Variants in ARSB observed in about 807,000 individuals in gnomAD.
ARSB encodes N-acetylgalactosamine-4-sulfatase.
In ARSB, 41 loss-of-function variants were observed where a neutral mutation model predicts 50.9. That is an observed-to-expected ratio of 0.81 (90% CI 0.63 to 1.04). ARSB has a LOEUF of 1.04. Among genes scored for constraint, ARSB ranks in the 50% least tolerant of loss-of-function variants. ARSB has a pLI of 0.00. For synonymous variants in ARSB, 269 were observed against 284.8 expected (o/e 0.94, Z 0.56); for missense variants, 672 against 693.3 (o/e 0.97, Z 0.35).
At chr5:78,874,125 C>T (rs1019245070) in intron 5 of ARSB, among the ~76,000 whole-genome samples, 4 of 152,094 alleles carry the variant, frequency 2.6e-5, no homozygotes, top group African/African-American at 7.2e-5. Context: ...TTATTTTAAC[C>T]GGTTGAGCTG....
rs1746875566 is a variant in ARSB at position 78,867,853 on chromosome 5, CAAA to C, written c.1142+17728_1142+17730del. 4.8e-5 allele frequency among the ~76,000 whole-genome samples: 7 copies of C among 146,902 alleles called. No individual in the cohort carries two copies. The South Asian group carries it at 1.4e-3, about 29-fold the overall frequency. ...CTGAGAGAAGAAGGCTTCAGACGAT[CAAA>C]TTACTCTGAGCTACGGGAGGACATT... On this transcript the variant is annotated intron_variant, in intron 5 of 7. Coordinates refer to ENST00000264914, the MANE Select transcript of ARSB (RefSeq NM_000046.5).
intron 5 of ARSB, among the ~76,000 whole-genome samples, chr5:78,861,821 T>C (rs533628225): frequency 1.0e-3 from 156 of 152,298 alleles, no homozygotes; most frequent in African/African-American, 3.7e-3. Flanking sequence ...GGAAGTCAAA[T>C]TGTCCCTGTT....
intron 6 of ARSB, among the ~76,000 whole-genome samples, chr5:78,833,720 C>T (rs1288106994): frequency 6.6e-6 from 1 of 152,192 alleles, no homozygotes; most frequent in Non-Finnish European, 1.5e-5. Flanking sequence ...TCAGGCCGAG[C>T]CAGGCCAGAG....
At position 78,889,879 on chromosome 5, in the gene ARSB, G is replaced by A. The variant is rs548207051; in HGVS notation, c.899-4052C>T. On this transcript the variant is annotated intron_variant, in intron 4 of 7. Coordinates refer to ENST00000264914, the MANE Select transcript of ARSB (RefSeq NM_000046.5). ...CAACATCCCTGTGCATGCTTCAGCT[G>A]GGGCTTACCCTAGTCATCCTTCCCA... Among the ~76,000 whole-genome samples the A allele has an allele frequency of 9.2e-5, 14 of 152,230 alleles. No homozygotes were observed. In the South Asian group the frequency reaches 2.9e-3, roughly 32 times the overall value.
At chr5:78,811,862 T>A (rs1743817017) in intron 6 of ARSB, among the ~76,000 whole-genome samples, 1 of 152,134 alleles carries the variant, frequency 6.6e-6, no homozygotes, top group Non-Finnish European at 1.5e-5. Context: ...AAGCAGAAAC[T>A]TAATATTGAA....
In ARSB at chr5:78,861,528, T is replaced by C. The variant is rs143751271; in HGVS notation, c.1143-22102A>G. On this transcript the variant is annotated intron_variant, in intron 5 of 7. Coordinates refer to ENST00000264914, the MANE Select transcript of ARSB (RefSeq NM_000046.5). ...CACAAAAACTGTATGATTATCTCAA[T>C]AGATGCACAAAAGGCCTTCGACAAA... Among the ~76,000 whole-genome samples the C allele has an allele frequency of 3.6e-4, 55 of 152,312 alleles. No homozygotes were observed. The East Asian group carries it at 0.01, about 29-fold the overall frequency.
chr5:78,900,763 G>A (rs1748766161), intron 4 of ARSB, among the ~76,000 whole-genome samples: 1 of 152,114 alleles, frequency 6.6e-6, no homozygotes, highest in Admixed American at 6.5e-5. Context: ...GCAATGGGCG[G>A]GCGCAGTAGC....
chr5:78,965,582 A>G (rs1752170396), intron 2 of ARSB, among the ~76,000 whole-genome samples: 1 of 152,166 alleles, frequency 6.6e-6, no homozygotes, highest in South Asian at 2.1e-4. Context: ...ATTTATTAAA[A>G]ATCATTGAAT....
At chr5:78,802,847 A>G (rs1743442925) in intron 6 of ARSB, among the ~76,000 whole-genome samples, 1 of 152,212 alleles carries the variant, frequency 6.6e-6, no homozygotes, top group Non-Finnish European at 1.5e-5. Flanking sequence ...GTTTGCATTG[A>G]TACCTGAGAG....
intron 4 of ARSB, among the ~76,000 whole-genome samples, chr5:78,915,272 T>C (rs1369205781): frequency 6.6e-6 from 1 of 152,140 alleles, no homozygotes; most frequent in Non-Finnish European, 1.5e-5. Flanking sequence ...ATTGACACAA[T>C]TTCTAGGCCC....
intron 4 of ARSB, among the ~76,000 whole-genome samples, chr5:78,942,470 C>G (rs1750986644): frequency 6.6e-6 from 1 of 152,180 alleles, no homozygotes; most frequent in African/African-American, 2.4e-5. Context: ...CCCAGAGATT[C>G]TGGTATGTTG....
rs938717632 is a variant in ARSB at position 78,823,264 on chromosome 5, G to A, written c.1213+16092C>T. On this transcript the variant is annotated intron_variant, in intron 6 of 7. Transcript: ENST00000264914. ...CTGGGCAAGATGCTCTGTGTCCCTT[G>A]GAGACACAGTAACTGACCAATGGGT... 2.0e-5 allele frequency among the ~76,000 whole-genome samples: 3 copies of A among 152,182 alleles called. No homozygotes were observed. In the East Asian group the frequency reaches 5.8e-4, roughly 29 times the overall value.
chr5:78,830,019 G>T (rs1313911712), intron 6 of ARSB, among the ~76,000 whole-genome samples: 1 of 152,198 alleles, frequency 6.6e-6, no homozygotes, highest in Non-Finnish European at 1.5e-5. Flanking sequence ...AAGACGGAAG[G>T]GGCGGAGCCA....
intron 4 of ARSB, among the ~76,000 whole-genome samples, chr5:78,892,460 CG>C (rs1400528885): frequency 2.6e-5 from 4 of 151,892 alleles, no homozygotes; most frequent in Admixed American, 1.3e-4. Flanking sequence ...TTCGCCTTGT[CG>C]GCCAGGCTGG....
At chr5:78,821,340 G>C (rs115574118) in intron 6 of ARSB, among the ~76,000 whole-genome samples, 221 of 152,224 alleles carry the variant, frequency 1.5e-3, no homozygotes, top group African/African-American at 5.0e-3. Context: ...GTTTCACCAT[G>C]TCAGCCAGGT....
chr5:78,913,946 T>C (rs1048512578), intron 4 of ARSB, among the ~76,000 whole-genome samples: 1 of 151,498 alleles, frequency 6.6e-6, no homozygotes, highest in South Asian at 2.1e-4. Flanking sequence ...TTCCTCTTTA[T>C]ACCTTTCAAT....
intron 6 of ARSB, among the ~76,000 whole-genome samples, chr5:78,814,257 TAC>T (rs1195397114): frequency 6.6e-6 from 1 of 151,100 alleles, no homozygotes; most frequent in African/African-American, 2.4e-5. Context: ...TTGGAGTCTA[TAC>T]AGTTTTTCAA....
At chr5:78,919,612 C>T (rs778675230) in intron 4 of ARSB, among the ~76,000 whole-genome samples, 113 of 152,162 alleles carry the variant, frequency 7.4e-4, no homozygotes, top group Admixed American at 1.7e-3. Flanking sequence ...CCAGCCTCAG[C>T]CTCCTGAGTA....
chr5:78,929,113 T>C (rs1329749030), intron 4 of ARSB, among the ~76,000 whole-genome samples: 2 of 152,160 alleles, frequency 1.3e-5, no homozygotes, highest in Non-Finnish European at 2.9e-5. Context: ...CCAGACTTCA[T>C]CTTTCTGTTC....
Sources: gnomAD v4.1 joint callset for allele counts (sites outside exome capture counted in the v4.1 genomes callset) on GRCh38, gnomAD v4.1.1 for gene constraint, MANE v1.5 for transcripts, NCBI Gene and HGNC (gene_info 2026-07-23, HGNC 2026-07-21) for gene names.